PAQR5: variants seen among roughly 807,000 people sequenced by gnomAD.
The protein encoded by PAQR5 is membrane progestin receptor gamma.
PAQR5 carries 20 observed loss-of-function variants against 34.5 expected under a neutral mutation model. The observed-to-expected ratio is 0.58, with a 90% confidence interval of 0.41 to 0.84. The LOEUF (loss-of-function observed/expected upper bound fraction) is 0.84. PAQR5 is among the 40% of genes least tolerant of loss of function. The probability of loss-of-function intolerance (pLI) is 0.00; values close to 1 mark genes in which losing one functional copy is unlikely to be tolerated. For synonymous variants in PAQR5, 131 were observed against 155.6 expected (o/e 0.84, Z 1.18); for missense variants, 378 against 412.7 (o/e 0.92, Z 0.73).
intron 3 of PAQR5, among the ~76,000 whole-genome samples, chr15:69,374,287 C>T (rs1595908486): frequency 6.6e-6 from 1 of 152,078 alleles, no homozygotes; most frequent in East Asian, 1.9e-4. Context: ...TATTTCTGTC[C>T]TATGGGAACT....
chr15:69,388,877 GGGGAGACCTCA>G (rs2056181723), intron 5 of PAQR5, among the ~76,000 whole-genome samples: 2 of 152,338 alleles, frequency 1.3e-5, no homozygotes, highest in South Asian at 4.1e-4. Context: ...GCCTCCCTTA[GGGGAGACCTCA>G]GGAGGTGAGG....
chr15:69,304,966 C>A (rs936129082), intron 1 of PAQR5, among the ~76,000 whole-genome samples: 2 of 152,192 alleles, frequency 1.3e-5, no homozygotes, highest in African/African-American at 4.8e-5. Flanking sequence ...GCCTTGGATT[C>A]TAATTCTGAC....
chr15:69,349,396 A>C (rs992231161), intron 2 of PAQR5, among the ~76,000 whole-genome samples: 5 of 152,146 alleles, frequency 3.3e-5, no homozygotes, highest in Non-Finnish European at 5.9e-5. Flanking sequence ...CCTCCACAAG[A>C]ACCAAATCCA....
chr15:69,359,959 C>A lies in PAQR5; in HGVS notation c.-115-7C>A. 1.3e-6 allele frequency: 1 copy of A among 742,326 alleles called. No homozygotes were observed. 46.0% of individuals were successfully genotyped at this position (742,326 alleles called of 1,614,324 possible). On this transcript the variant is annotated splice_region_variant and splice_polypyrimidine_tract_variant and intron_variant, in intron 2 of 8. Transcript: ENST00000395407. ...TGACTGGATTTCTTCATGCTGTCCT[C>A]TTTCAGGGAAGCGGCACAGCACCAG...
chr15:69,305,433 G>A (rs1435862793), intron 1 of PAQR5, among the ~76,000 whole-genome samples: 1 of 152,070 alleles, frequency 6.6e-6, no homozygotes, highest in Non-Finnish European at 1.5e-5. Context: ...ATGGGTGGAG[G>A]GGCCCCTTGG....
rs2056095245 is a variant in PAQR5 at position 69,385,937 on chromosome 15, ACACACAATACACTCACATG to A, written c.385+1061_385+1079del. On this transcript the variant is annotated intron_variant, in intron 5 of 8. Transcript: ENST00000395407. This position sits in a 1 kb window ranked among gnomAD's most constrained non-coding sequence, Gnocchi z 4.7. Reference sequence around the variant, plus strand: ...TCACATACACACACTCACACCACATACACACAATACACTCACATGCACACTCTCAAACACTACACACACA... The same window carrying A: ...TCACATACACACACTCACACCACATACACACTCTCAAACACTACACACACA... Among the ~76,000 whole-genome samples, 1 of 151,286 alleles carries A rather than the reference ACACACAATACACTCACATG, an allele frequency of 6.6e-6. No homozygotes were observed. Among genetic ancestry groups the A allele is most frequent in the African/African-American group, 2.4e-5 (1 of 41,070 alleles).
chr15:69,348,009 G>A (rs890542647), intron 2 of PAQR5, among the ~76,000 whole-genome samples: 3 of 152,108 alleles, frequency 2.0e-5, no homozygotes, highest in African/African-American at 7.2e-5. Context: ...AATCTCTTGA[G>A]TCTCTGCAGC....
At chr15:69,375,384 C>T (rs984824710) in intron 3 of PAQR5, among the ~76,000 whole-genome samples, 13 of 152,092 alleles carry the variant, frequency 8.5e-5, no homozygotes, top group Non-Finnish European at 1.6e-4. Flanking sequence ...ATCTTATCTC[C>T]GAATGCAGTT....
Position 69,405,220 on chromosome 15 carries a change from T to C in PAQR5, c.*1398T>C. 1 of 377,624 alleles carries C rather than the reference T, an allele frequency of 2.6e-6. No individual in the cohort carries two copies. The highest frequency in any genetic ancestry group is 4.7e-6 in the Non-Finnish European group (1 of 213,314). 23.4% of individuals were successfully genotyped at this position (377,624 alleles called of 1,614,324 possible). ...AGGCCCATCAAACCCAGATCTGCACTTGGTAATGACTTAGGGGGGCTTCCT... is the reference window on the plus strand; with the variant it reads ...AGGCCCATCAAACCCAGATCTGCACCTGGTAATGACTTAGGGGGGCTTCCT... On this transcript the variant is annotated 3_prime_UTR_variant, in exon 9 of 9. Coordinates refer to ENST00000395407, the MANE Select transcript of PAQR5 (RefSeq NM_017705.4).
At chr15:69,318,415 C>T (rs963137724) in intron 1 of PAQR5, among the ~76,000 whole-genome samples, 2 of 152,196 alleles carry the variant, frequency 1.3e-5, no homozygotes, top group African/African-American at 4.8e-5. Context: ...TGTCTGTCTC[C>T]CTCTCTCCTG....
intron 1 of PAQR5, among the ~76,000 whole-genome samples, chr15:69,312,349 T>C (rs2053851348): frequency 6.6e-6 from 1 of 152,052 alleles, no homozygotes; most frequent in African/African-American, 2.4e-5. Flanking sequence ...AAGGTGCCTA[T>C]GATGAAGGAC....
chr15:69,374,452 G>C (rs112060537), intron 3 of PAQR5, among the ~76,000 whole-genome samples: 13,813 of 152,124 alleles, frequency 0.091, 1,006 homozygotes, highest in African/African-American at 0.19. Context: ...AAGGCTGGTG[G>C]ATCACCTGAG....
chr15:69,358,632 C>CCTTTTTTTTT (rs1567019143), intron 2 of PAQR5, among the ~76,000 whole-genome samples: 2 of 6,572 alleles, frequency 3.0e-4, no homozygotes, highest in African/African-American at 5.0e-4. Flanking sequence ...AGCTCTGTGG[C>CCTTTTTTTTT]ATTTTTTTTT....
intron 8 of PAQR5, 125 bp from the exon 9 acceptor site, chr15:69,403,456 T>C: frequency 7.2e-6 from 6 of 836,676 alleles, no homozygotes; most frequent in Non-Finnish European, 1.1e-5. Context: ...GGAGATTTTA[T>C]ATAATATGTG....
intron 1 of PAQR5, among the ~76,000 whole-genome samples, chr15:69,303,913 A>G (rs1187259319): frequency 6.6e-6 from 1 of 152,180 alleles, no homozygotes; most frequent in Non-Finnish European, 1.5e-5. Flanking sequence ...GACCCCAAAC[A>G]TCTTTTTCCA....
chr15:69,381,962 G>A (rs2055895603), intron 4 of PAQR5, among the ~76,000 whole-genome samples: 1 of 152,194 alleles, frequency 6.6e-6, no homozygotes, highest in Admixed American at 6.5e-5. Flanking sequence ...GAGGTGCTCT[G>A]CAGGCGGGAC....
chr15:69,393,477 G>A (rs192921396), intron 6 of PAQR5, among the ~76,000 whole-genome samples: 40 of 141,836 alleles, frequency 2.8e-4, no homozygotes, highest in African/African-American at 1.0e-3. Context: ...CAGGGTCTAC[G>A]TCTTCAATGA....
intron 6 of PAQR5, among the ~76,000 whole-genome samples, chr15:69,393,010 G>GA (rs931276084): frequency 4.2e-4 from 62 of 147,748 alleles, no homozygotes; most frequent in African/African-American, 8.4e-4. Flanking sequence ...ATCTCTTAGG[G>GA]AAAAAAAAAA....
chr15:69,397,495 CTG>C lies in PAQR5; in HGVS notation c.542_543del (p.Cys181Ter). The C allele has an allele frequency of 1.2e-6, 2 of 1,613,810 alleles. No homozygotes were observed. Among genetic ancestry groups the C allele is most frequent in the Non-Finnish European group, 1.7e-6 (2 of 1,179,632 alleles). ...RFLEIQKPRLCKVIRVLAFAY... is the reference protein window; with the variant it reads ...RFLEIQKPRLXKVIRVLAFAY... ...TTCTTGAAATCCAGAAGCCCAGACT[CTG>C]TAAGGTGATTCGTGTCCTCGCCTTT... On this transcript the variant is annotated frameshift_variant, in exon 7 of 9. Coordinates refer to ENST00000395407, the MANE Select transcript of PAQR5 (RefSeq NM_017705.4). LOFTEE classifies it high-confidence loss of function.
Sources: gnomAD v4.1 joint callset for allele counts (sites outside exome capture counted in the v4.1 genomes callset) on GRCh38, gnomAD v4.1.1 for gene constraint, Gnocchi (gnomAD v3.1) non-coding constraint, MANE v1.5 for transcripts, NCBI Gene and HGNC (gene_info 2026-07-23, HGNC 2026-07-21) for gene names.